The following FSTL5 variants were observed in gnomAD, a reference collection of about 807,000 sequenced individuals.
FSTL5 encodes the protein follistatin-related protein 5.
Under a neutral mutation model 89.1 loss-of-function variants are expected in FSTL5, and 62 were observed. That is an observed-to-expected ratio of 0.70 (90% confidence interval 0.57 to 0.86). FSTL5 has a LOEUF of 0.86. FSTL5 is among the 40% of genes least tolerant of loss of function. FSTL5 has a pLI of 0.00. For synonymous variants in FSTL5, 383 were observed against 346.2 expected (o/e 1.11, Z -1.18); for missense variants, 1,057 against 1,001.6 (o/e 1.06, Z -0.75).
At chr4:161,798,156 T>C (rs1729690244) in intron 4 of FSTL5, among the ~76,000 whole-genome samples, 1 of 151,734 alleles carries the variant, frequency 6.6e-6, no homozygotes, top group African/African-American at 2.4e-5. Flanking sequence ...AATTTAATCA[T>C]AGGTTCATAG....
At chr4:161,588,002 T>C (rs138172020) in intron 7 of FSTL5, among the ~76,000 whole-genome samples, 295 of 152,072 alleles carry the variant, frequency 1.9e-3, no homozygotes, top group Non-Finnish European at 3.1e-3. Flanking sequence ...GGTGAAGTCA[T>C]GTCTCTACTA....
In FSTL5 at chr4:161,385,228, A is replaced by T. The variant is rs1231231114; in HGVS notation, c.*519T>A. 3 of 153,744 alleles carry T rather than the reference A, an allele frequency of 2.0e-5. No homozygotes were observed. The highest frequency in any genetic ancestry group is 4.4e-5 in the Non-Finnish European group (3 of 68,864). The allele number at this position is 153,744 out of a possible 1,614,324, so 9.5% of individuals were successfully genotyped here. On this transcript the variant is annotated 3_prime_UTR_variant, in exon 16 of 16. Coordinates refer to ENST00000306100, the MANE Select transcript of FSTL5 (RefSeq NM_020116.5). ...ACAAGAGATTTATAGTTATGAGAGC[A>T]TTTAGTATGCAGGCTTTAGTCTTCC... is the stretch of plus-strand genomic sequence containing the variant.
intron 7 of FSTL5, among the ~76,000 whole-genome samples, chr4:161,622,106 C>A (rs1026641533): frequency 2.0e-5 from 3 of 152,160 alleles, no homozygotes; most frequent in Middle Eastern, 3.4e-3. Context: ...ATGGTATAAA[C>A]ACTCAGATCA....
At chr4:162,046,524 T>C (rs962923009) in intron 2 of FSTL5, among the ~76,000 whole-genome samples, 9 of 152,104 alleles carry the variant, frequency 5.9e-5, no homozygotes, top group African/African-American at 9.7e-5. Context: ...ATGAAGATTA[T>C]ATAAAAATAC....
intron 7 of FSTL5, among the ~76,000 whole-genome samples, chr4:161,639,841 A>C (rs1353585191): frequency 1.3e-5 from 2 of 152,148 alleles, no homozygotes; most frequent in East Asian, 3.9e-4. Context: ...TTCTGATCCC[A>C]CAGGTTTAGA....
chr4:162,024,521 A>T (rs1182241455), intron 3 of FSTL5, among the ~76,000 whole-genome samples: 1 of 152,190 alleles, frequency 6.6e-6, no homozygotes, highest in Non-Finnish European at 1.5e-5. Flanking sequence ...TGGCAAGCTA[A>T]CATTACCACA....
At chr4:161,901,889 C>T (rs150654944) in intron 4 of FSTL5, among the ~76,000 whole-genome samples, 7,046 of 152,134 alleles carry the variant, frequency 0.046, 208 homozygotes, top group Non-Finnish European at 0.07. Flanking sequence ...GAGCCAAGAT[C>T]GCGCCCTGGC....
At chr4:161,645,397 G>A (rs1374359693) in intron 7 of FSTL5, among the ~76,000 whole-genome samples, 1 of 151,944 alleles carries the variant, frequency 6.6e-6, no homozygotes, top group African/African-American at 2.4e-5. Context: ...CTTACACGTG[G>A]ACATTGTATT....
intron 7 of FSTL5, among the ~76,000 whole-genome samples, chr4:161,632,044 A>G (rs1213239766): frequency 6.6e-6 from 1 of 152,128 alleles, no homozygotes; most frequent in Admixed American, 6.6e-5. Flanking sequence ...AATTATTTTC[A>G]ATTGAGTGAC....
At chr4:161,802,913 T>C (rs13135079) in intron 4 of FSTL5, among the ~76,000 whole-genome samples, 112,335 of 151,720 alleles carry the variant, frequency 0.74, 41,623 homozygotes, top group Admixed American at 0.76. Context: ...TCTACTGTTT[T>C]TGAAAAGTAA....
intron 12 of FSTL5, among the ~76,000 whole-genome samples, chr4:161,496,308 A>G (rs539136020): frequency 6.6e-6 from 1 of 152,268 alleles, no homozygotes; most frequent in South Asian, 2.1e-4. Flanking sequence ...TGGTTGATTT[A>G]TATGTCAGCA....
At chr4:161,633,358 C>T (rs1410283774) in intron 7 of FSTL5, among the ~76,000 whole-genome samples, 4 of 149,650 alleles carry the variant, frequency 2.7e-5, no homozygotes, top group Admixed American at 2.0e-4. Context: ...ATGTGCACAA[C>T]GAGACCAAGT....
At chr4:161,563,883 C>G (rs1016959725) in intron 8 of FSTL5, among the ~76,000 whole-genome samples, 2 of 151,740 alleles carry the variant, frequency 1.3e-5, no homozygotes, top group Non-Finnish European at 2.9e-5. Flanking sequence ...GTAGTAGCGC[C>G]TTACTACATG....
chr4:162,017,610 C>A (rs756051988), intron 3 of FSTL5, among the ~76,000 whole-genome samples: 4 of 152,104 alleles, frequency 2.6e-5, no homozygotes, highest in African/African-American at 4.8e-5. Flanking sequence ...CATTTTCTGG[C>A]TTTCACGTTG....
chr4:161,836,166 A>G (rs1731032202), intron 4 of FSTL5, among the ~76,000 whole-genome samples: 1 of 151,986 alleles, frequency 6.6e-6, no homozygotes, highest in Non-Finnish European at 1.5e-5. Context: ...GACATGGATG[A>G]AATTGGAAAT....
intron 7 of FSTL5, among the ~76,000 whole-genome samples, chr4:161,602,868 A>C (rs1197219341): frequency 6.6e-6 from 1 of 152,214 alleles, no homozygotes; most frequent in Non-Finnish European, 1.5e-5. Context: ...AAAACTGAGA[A>C]TTCATTAACA....
intron 3 of FSTL5, among the ~76,000 whole-genome samples, chr4:162,026,330 C>A (rs191291134): frequency 1.9e-3 from 6 of 3,212 alleles, no homozygotes; most frequent in African/African-American, 6.6e-3. Flanking sequence ...CTTTTTGAGA[C>A]GGAGTTTTCC....
rs1337525134 is a variant in FSTL5, at chr4:162,160,539, ATATAT to A, written c.-17+3071_-17+3075del. 2.0e-5 allele frequency among the ~76,000 whole-genome samples: 3 copies of A among 151,914 alleles called. No individual in the cohort carries two copies. In the East Asian group the frequency reaches 5.8e-4, roughly 29 times the overall value. On this transcript the variant is annotated intron_variant, in intron 1 of 15. Transcript: ENST00000306100. The stretch of plus-strand genomic sequence containing the variant: ...TCACAAGAGTCTTTTGAGCTTCATA[ATATAT>A]TAAGTAGTAAAAAATACGAGAGATA...
intron 7 of FSTL5, among the ~76,000 whole-genome samples, chr4:161,650,399 T>C (rs541167605): frequency 6.6e-6 from 1 of 152,342 alleles, no homozygotes; most frequent in African/African-American, 2.4e-5. Context: ...AAAGTGATTT[T>C]GTAAAAGTGT....
Sources: gnomAD v4.1 joint callset for allele counts (sites outside exome capture counted in the v4.1 genomes callset) on GRCh38, gnomAD v4.1.1 for gene constraint, MANE v1.5 for transcripts, NCBI Gene and HGNC (gene_info 2026-07-23, HGNC 2026-07-21) for gene names.